Variants in RBFOX1 observed in about 807,000 individuals in gnomAD.
RBFOX1 encodes RNA binding fox-1 homolog 1.
A neutral mutation model predicts 57.7 loss-of-function variants in RBFOX1; 8 were observed. The observed-to-expected ratio is 0.14, with a 90% CI of 0.08 to 0.25. RBFOX1 has a LOEUF of 0.25. Among genes scored for constraint, RBFOX1 ranks in the 10% least tolerant of loss-of-function variants. The pLI is 1.00. For missense variants in RBFOX1, 611 were observed against 548.5 expected (o/e 1.11, Z -1.14); for synonymous variants, 326 against 222.4 (o/e 1.47, Z -4.15).
intron 1 of RBFOX1, among the ~76,000 whole-genome samples, chr16:5,417,385 T>A (rs956991314): frequency 8.5e-5 from 13 of 152,230 alleles, no homozygotes; most frequent in Non-Finnish European, 1.5e-4. Flanking sequence ...ACAGGCATGA[T>A]TGACAAAGTC....
At chr16:7,506,839 C>G (rs540661694) in intron 4 of RBFOX1, among the ~76,000 whole-genome samples, 6 of 152,178 alleles carry the variant, frequency 3.9e-5, no homozygotes, top group Non-Finnish European at 7.3e-5. Context: ...TTAGTATTCA[C>G]TGAAGTAGGT....
At chr16:5,697,386 G>A (rs1235393372) in intron 3 of RBFOX1, among the ~76,000 whole-genome samples, 2 of 150,812 alleles carry the variant, frequency 1.3e-5, no homozygotes, top group East Asian at 1.9e-4. Flanking sequence ...TAGCATATAT[G>A]CTATCTATAA....
intron 4 of RBFOX1, among the ~76,000 whole-genome samples, chr16:7,093,057 A>C (rs868184484): frequency 6.6e-6 from 1 of 152,224 alleles, no homozygotes; most frequent in Non-Finnish European, 1.5e-5. Flanking sequence ...AAAGTTCAGC[A>C]TTTCTGTGTT....
intron 4 of RBFOX1, among the ~76,000 whole-genome samples, chr16:7,349,169 C>G (rs2097079552): frequency 6.6e-6 from 1 of 152,106 alleles, no homozygotes; most frequent in Admixed American, 6.5e-5. Flanking sequence ...GAAGTTCATG[C>G]TCATTTTAGG....
At chr16:6,872,150 G>C (rs2061029304) in intron 3 of RBFOX1, among the ~76,000 whole-genome samples, 3 of 152,184 alleles carry the variant, frequency 2.0e-5, no homozygotes, top group African/African-American at 4.8e-5. Flanking sequence ...CCACCAAATG[G>C]AAAACTGTGA....
chr16:6,660,946 C>G (rs916928230), intron 3 of RBFOX1, among the ~76,000 whole-genome samples: 19 of 152,026 alleles, frequency 1.2e-4, no homozygotes, highest in Admixed American at 1.1e-3. Flanking sequence ...TCAGGAAATA[C>G]AAATGCACCT....
At chr16:6,657,579 A>T (rs1384901002) in intron 3 of RBFOX1, among the ~76,000 whole-genome samples, 1 of 152,048 alleles carries the variant, frequency 6.6e-6, no homozygotes, top group African/African-American at 2.4e-5. Context: ...TGTTTAGGAA[A>T]TTTCACCACT....
intron 3 of RBFOX1, among the ~76,000 whole-genome samples, chr16:6,914,378 T>C (rs947194313): frequency 1.3e-5 from 2 of 152,106 alleles, no homozygotes; most frequent in South Asian, 2.1e-4. Flanking sequence ...TATTCTACTT[T>C]TCATGATTCA....
intron 3 of RBFOX1, among the ~76,000 whole-genome samples, chr16:6,767,116 C>T (rs547526951): frequency 6.6e-6 from 1 of 151,902 alleles, no homozygotes; most frequent in East Asian, 1.9e-4. Flanking sequence ...CTTAGGGGAC[C>T]ACCTCTCTTG....
chr16:6,162,145 C>G (rs959945340), intron 1 of RBFOX1, among the ~76,000 whole-genome samples: 2 of 152,092 alleles, frequency 1.3e-5, no homozygotes, highest in Non-Finnish European at 2.9e-5. Context: ...GGAGACTGGG[C>G]GTCACTCTGT....
At chr16:6,673,828 C>G (rs961725353) in intron 3 of RBFOX1, among the ~76,000 whole-genome samples, 1 of 152,014 alleles carries the variant, frequency 6.6e-6, no homozygotes, top group Admixed American at 6.6e-5. Context: ...AGAATGATAG[C>G]CAAGACAGTG....
chr16:6,385,291 C>T (rs1162624423), intron 2 of RBFOX1, among the ~76,000 whole-genome samples: 1 of 152,200 alleles, frequency 6.6e-6, no homozygotes, highest in Non-Finnish European at 1.5e-5. Context: ...GCCTTTGCTA[C>T]GTCCCAGCTG....
intron 4 of RBFOX1, among the ~76,000 whole-genome samples, chr16:7,188,814 T>G (rs886997026): frequency 3.3e-5 from 5 of 152,084 alleles, no homozygotes; most frequent in Non-Finnish European, 7.4e-5. Flanking sequence ...AACCAAAGAA[T>G]GACATTGAGT....
At chr16:6,807,639 A>C (rs981461475) in intron 3 of RBFOX1, among the ~76,000 whole-genome samples, 13 of 152,032 alleles carry the variant, frequency 8.6e-5, no homozygotes, top group Admixed American at 7.9e-4. Context: ...AGCATGGTGA[A>C]AGCCCATCTC....
At chr16:6,492,471 A>G (rs1421811502) in intron 2 of RBFOX1, among the ~76,000 whole-genome samples, 1 of 152,184 alleles carries the variant, frequency 6.6e-6, no homozygotes, top group East Asian at 1.9e-4. Flanking sequence ...CAGGAGGCTG[A>G]GGCAGGAGAA....
chr16:7,172,964 A>G (rs2080991029), intron 4 of RBFOX1, among the ~76,000 whole-genome samples: 1 of 152,154 alleles, frequency 6.6e-6, no homozygotes, highest in Non-Finnish European at 1.5e-5. Flanking sequence ...CCCCCTCAGT[A>G]TGGTTTTCGT....
At chr16:7,484,398 A>T (rs1238462024) in intron 4 of RBFOX1, among the ~76,000 whole-genome samples, 1 of 152,178 alleles carries the variant, frequency 6.6e-6, no homozygotes, top group Non-Finnish European at 1.5e-5. Flanking sequence ...ACATTCTAGG[A>T]TACCATTATT....
intron 3 of RBFOX1, among the ~76,000 whole-genome samples, chr16:6,998,173 C>T (rs1422566853): frequency 6.6e-6 from 1 of 151,918 alleles, no homozygotes; most frequent in East Asian, 1.9e-4. Context: ...ATGAAAGCAG[C>T]CAAAGCAGTA....
At chr16:5,546,143 A>T (rs1182099292) in intron 2 of RBFOX1, among the ~76,000 whole-genome samples, 1 of 152,190 alleles carries the variant, frequency 6.6e-6, no homozygotes, top group African/African-American at 2.4e-5. Context: ...TATACTGAAA[A>T]TTACAATATA....
Sources: allele counts gnomAD v4.1 joint callset (sites outside exome capture counted in the v4.1 genomes callset), GRCh38; gene constraint gnomAD v4.1.1; transcripts MANE v1.5; gene names NCBI Gene and HGNC (gene_info 2026-07-23, HGNC 2026-07-21).